The following DAPP1 variants were observed in gnomAD, a reference collection of about 807,000 sequenced individuals.
DAPP1 encodes dual adaptor of phosphotyrosine and 3-phosphoinositides 1.
A neutral mutation model predicts 41.5 loss-of-function variants in DAPP1; 20 were observed. The ratio of observed to expected loss-of-function variants is 0.48; its 90% CI spans 0.34 to 0.70. DAPP1 has a LOEUF of 0.70. Ranked by LOEUF, DAPP1 falls within the 30% of genes least tolerant of loss-of-function variation. DAPP1 has a pLI of 0.01. For synonymous variants in DAPP1, 113 were observed against 116.2 expected, an observed-to-expected ratio of 0.97 and a Z score of 0.18; for missense variants, 233 against 333.4, an observed-to-expected ratio of 0.70 and a Z score of 2.35.
chr4:99,839,469 A>C (rs1723423784), intron 2 of DAPP1, among the ~76,000 whole-genome samples: 1 of 151,360 alleles, frequency 6.6e-6, no homozygotes, highest in African/African-American at 2.4e-5. Context: ...ATGAAGTGGA[A>C]AATGACAATG....
chr4:99,856,633 C>A (rs986001265), intron 4 of DAPP1, among the ~76,000 whole-genome samples: 1 of 152,136 alleles, frequency 6.6e-6, no homozygotes, highest in Non-Finnish European at 1.5e-5. Flanking sequence ...TACTATCATG[C>A]GTGAGTGTCA....
intron 1 of DAPP1, among the ~76,000 whole-genome samples, chr4:99,827,270 G>A (rs1009089826): frequency 5.3e-5 from 8 of 151,966 alleles, no homozygotes; most frequent in African/African-American, 1.7e-4. Flanking sequence ...TTGGCTGGGC[G>A]CGGTCTGTAA....
At chr4:99,835,517 C>T (rs1459629036) in intron 1 of DAPP1, 106 bp from the exon 2 acceptor site, 31 of 1,502,350 alleles carry the variant, frequency 2.1e-5, no homozygotes, top group Non-Finnish European at 2.8e-5. Flanking sequence ...CTCTGGGCTA[C>T]TTATCTTGAA....
intron 8 of DAPP1, chr4:99,866,507 T>A (rs1724463523): frequency 1.3e-6 from 1 of 762,480 alleles, no homozygotes; most frequent in Admixed American, 1.7e-5. Context: ...AGAAGAAAGT[T>A]TGCCAGAGGC....
intron 3 of DAPP1, among the ~76,000 whole-genome samples, chr4:99,844,937 T>C (rs1723616478): frequency 6.6e-6 from 1 of 152,256 alleles, no homozygotes; most frequent in Admixed American, 6.5e-5. Flanking sequence ...AAACAACTAG[T>C]GACAACTTAG....
intron 1 of DAPP1, among the ~76,000 whole-genome samples, chr4:99,834,858 G>A (rs751054059): frequency 3.9e-5 from 6 of 152,252 alleles, no homozygotes; most frequent in East Asian, 1.9e-4. Context: ...TCCGAGGGCC[G>A]TGAGGGAGAA....
downstream of DAPP1, among the ~76,000 whole-genome samples, chr4:99,870,984 AGTC>A (rs1724615772): frequency 1.3e-5 from 2 of 152,196 alleles, no homozygotes; most frequent in African/African-American, 4.8e-5. Flanking sequence ...CCCCATCATA[AGTC>A]AAGGAACATC....
chr4:99,842,699 T>C (rs1723533778), intron 3 of DAPP1, among the ~76,000 whole-genome samples: 2 of 152,218 alleles, frequency 1.3e-5, no homozygotes, highest in African/African-American at 4.8e-5. Flanking sequence ...CTATAAAGAA[T>C]GGTGAATGGA....
At chr4:99,870,577 C>T (rs1158421629), downstream of DAPP1, among the ~76,000 whole-genome samples, 1 of 152,156 alleles carries the variant, frequency 6.6e-6, no homozygotes, top group Non-Finnish European at 1.5e-5. Flanking sequence ...ATTCTAACTC[C>T]CAAGTGGAGC....
At chr4:99,821,722 C>T (rs1016919631) in intron 1 of DAPP1, among the ~76,000 whole-genome samples, 4 of 152,194 alleles carry the variant, frequency 2.6e-5, no homozygotes, top group African/African-American at 7.2e-5. Context: ...AAATTTCTCT[C>T]ATCTTACTAT....
At chr4:99,838,032 G>T (rs1723359108) in intron 2 of DAPP1, among the ~76,000 whole-genome samples, 1 of 152,164 alleles carries the variant, frequency 6.6e-6, no homozygotes, top group South Asian at 2.1e-4. Flanking sequence ...AAACAATGGG[G>T]AGCAACTATA....
intron 1 of DAPP1, among the ~76,000 whole-genome samples, chr4:99,827,577 T>G (rs1044117891): frequency 8.7e-5 from 13 of 148,786 alleles, no homozygotes; most frequent in African/African-American, 3.2e-4. Flanking sequence ...ACCATCACAC[T>G]TATAAGTGCA....
chr4:99,855,046 A>C (rs1037423214), intron 4 of DAPP1, among the ~76,000 whole-genome samples: 5 of 152,206 alleles, frequency 3.3e-5, no homozygotes, highest in Non-Finnish European at 7.3e-5. Context: ...GCTTTGTTAG[A>C]AGTGGGGGAG....
rs924399278 is a variant in DAPP1, at chr4:99,868,135, C to T, written c.793C>T (p.Leu265Phe). 3 of 1,613,824 alleles carry T rather than the reference C, an allele frequency of 1.9e-6. No homozygotes were observed. Among genetic ancestry groups the T allele is most frequent in the East Asian group, 2.2e-5 (1 of 44,870 alleles). Residue 265 changes from leucine to phenylalanine, a missense_variant, in exon 9 of 9, where the codon CTC becomes TTC. Coordinates refer to ENST00000512369, the MANE Select transcript of DAPP1 (RefSeq NM_014395.3). ...RWKLSQIRKQLNQGEGTIRSR... is the reference protein window; with the variant it reads ...RWKLSQIRKQFNQGEGTIRSR... ...ATTACAGTCACAAATAAGAAAACAG[C>T]TCAACCAAGGGGAAGGCACGATCCG...
At chr4:99,866,764 C>CTT (rs1724475655) in intron 8 of DAPP1, 14 of 415,880 alleles carry the variant, frequency 3.4e-5, no homozygotes, top group South Asian at 1.1e-4. Context: ...TTCTTTTTTT[C>CTT]TATTTTTTTT....
At chr4:99,865,834 A>C (rs1352497680) in intron 7 of DAPP1, 200 bp from the exon 8 acceptor site, 1 of 148,020 alleles carries the variant, frequency 6.8e-6, no homozygotes. Flanking sequence ...CCAGCACTTC[A>C]AGGTACTTAC....
chr4:99,872,259 T>C (rs1473311921), downstream of DAPP1, among the ~76,000 whole-genome samples: 1 of 152,232 alleles, frequency 6.6e-6, no homozygotes, highest in African/African-American at 2.4e-5. Context: ...CATCCAGGCA[T>C]ACCTTGAAGA....
intron 3 of DAPP1, among the ~76,000 whole-genome samples, chr4:99,847,799 A>AGTTT (rs58645759): frequency 0.033 from 4,984 of 150,816 alleles, 210 homozygotes; most frequent in African/African-American, 0.098. Flanking sequence ...ACAGTAGATA[A>AGTTT]GTTTGTTTGT....
At chr4:99,853,422 A>C in intron 4 of DAPP1, 74 bp downstream of exon 4, 1 of 1,517,380 alleles carries the variant, frequency 6.6e-7, no homozygotes. Context: ...AGTTAATAAG[A>C]GTGTATTTGT....
Sources: allele counts gnomAD v4.1 joint callset (sites outside exome capture counted in the v4.1 genomes callset), GRCh38; gene constraint gnomAD v4.1.1; transcripts MANE v1.5; gene names NCBI Gene and HGNC (gene_info 2026-07-23, HGNC 2026-07-21).